Variants in NLRC4 observed in about 807,000 individuals in gnomAD.
The protein encoded by NLRC4 is NLR family CARD domain-containing protein 4.
In NLRC4, 63 loss-of-function variants were observed where a neutral mutation model predicts 79.9. That is an observed-to-expected ratio of 0.79 (90% CI 0.64 to 0.97). The LOEUF is 0.97. Ranked by LOEUF, NLRC4 falls within the 50% of genes least tolerant of loss-of-function variation. NLRC4 has a pLI of 0.00. For missense variants in NLRC4, 1,074 were observed against 1,215.2 expected, an observed-to-expected ratio of 0.88 and a Z score of 1.73; for synonymous variants, 461 against 456.5, an observed-to-expected ratio of 1.01 and a Z score of -0.12.
At chr2:32,247,392 G>A (rs1387180156) in intron 4 of NLRC4, among the ~76,000 whole-genome samples, 3 of 146,736 alleles carry the variant, frequency 2.0e-5, no homozygotes, top group East Asian at 2.0e-4. Flanking sequence ...TCGGCCCACC[G>A]CAACCTCCAC....
At chr2:32,244,112 T>C (rs190036604) in intron 4 of NLRC4, among the ~76,000 whole-genome samples, 1 of 151,984 alleles carries the variant, frequency 6.6e-6, no homozygotes, top group South Asian at 2.1e-4. Context: ...TAACCAGATG[T>C]GATAGTTCAC....
At chr2:32,261,753 T>TAACAACAATCAGTTA (rs1687355759) in intron 1 of NLRC4, among the ~76,000 whole-genome samples, 1 of 152,002 alleles carries the variant, frequency 6.6e-6, no homozygotes, top group Non-Finnish European at 1.5e-5. Context: ...CCTTTTATGT[T>TAACAACAATCAGTTA]AAAACTGATT....
chr2:32,241,234 A>C, intron 4 of NLRC4, 109 bp from the exon 5 acceptor site: 1 of 704,888 alleles, frequency 1.4e-6, no homozygotes, highest in Non-Finnish European at 2.4e-6. Context: ...AATGATCATC[A>C]TGAGCCAAAA....
At chr2:32,261,015 ACC>A (rs1687330127) in intron 1 of NLRC4, among the ~76,000 whole-genome samples, 1 of 151,722 alleles carries the variant, frequency 6.6e-6, no homozygotes, top group Non-Finnish European at 1.5e-5. Context: ...ACAAGGTGAA[ACC>A]CTGTCTCTAC....
At chr2:32,261,307 G>A (rs1261503461) in intron 1 of NLRC4, among the ~76,000 whole-genome samples, 1 of 105,598 alleles carries the variant, frequency 9.5e-6, no homozygotes, top group African/African-American at 3.6e-5. Context: ...CGCCTATTAA[G>A]CCTCCCCCCT....
rs778050684 is a variant in NLRC4, at chr2:32,235,444, C to T, written c.2739G>A (p.Gly913=). The stretch of plus-strand genomic sequence containing the variant: ...TATCTGTGAGTCTCCAGTTTTTCAA[C>T]CCAAGCTTGACGAGTTGTGGGACCT... The part of the protein sequence containing the change: ...LEEVPQLVKL[G]LKNWRLTDTE... Residue 913 remains glycine, a synonymous_variant, in exon 8 of 9, where the codon GGG becomes GGA. Transcript: ENST00000402280. 4 of 1,614,150 alleles carry T rather than the reference C, an allele frequency of 2.5e-6. No homozygotes were observed. Among genetic ancestry groups the T allele is most frequent in the South Asian group, 1.1e-5 (1 of 91,088 alleles).
intron 1 of NLRC4, among the ~76,000 whole-genome samples, chr2:32,258,503 C>T (rs971498816): frequency 2.6e-5 from 4 of 152,166 alleles, no homozygotes. Context: ...GCGCCCTTCT[C>T]TTCCCAGCAC....
intron 2 of NLRC4, among the ~76,000 whole-genome samples, chr2:32,254,891 T>C (rs1239371816): frequency 6.6e-6 from 1 of 151,786 alleles, no homozygotes; most frequent in African/African-American, 2.4e-5. Flanking sequence ...GTGCTAGGAT[T>C]ACAGGCATGA....
chr2:32,250,058 CA>C lies in NLRC4; in HGVS notation c.1805del (p.Leu602CysfsTer71), dbSNP rs1336534349. On this transcript the variant is annotated frameshift_variant, in exon 4 of 9. Coordinates refer to ENST00000402280, the MANE Select transcript of NLRC4 (RefSeq NM_001199138.2). LOFTEE classifies it high-confidence loss of function. This position sits in a 1 kb window ranked among gnomAD's most constrained non-coding sequence, Gnocchi z 4.9. Reference protein sequence around the residue: ...PDYLFDFFEHLPNCASALDFI... With the variant: ...PDYLFDFFEHXPNCASALDFI... The stretch of plus-strand genomic sequence containing the variant: ...AGTCCAGGGCACTTGCACAATTGGG[CA>C]AATGTTCAAAGAAGTCAAATAAGTA... The C allele has an allele frequency of 1.2e-6, 2 of 1,614,178 alleles. No homozygotes were observed.
intron 8 of NLRC4, among the ~76,000 whole-genome samples, chr2:32,230,471 A>ATTTTTT (rs58666767): frequency 1.0e-4 from 13 of 126,662 alleles, no homozygotes; most frequent in African/African-American, 2.4e-4. Flanking sequence ...AGCCCCCGCT[A>ATTTTTT]TTTTTTTTTT....
chr2:32,249,441 C>T (rs888707532), intron 4 of NLRC4, among the ~76,000 whole-genome samples, 166 bp downstream of exon 4: 4 of 152,210 alleles, frequency 2.6e-5, no homozygotes, highest in Non-Finnish European at 5.9e-5. Flanking sequence ...CTTCGAGGTG[C>T]CTGTCTCTGG....
chr2:32,224,515 A>G lies in NLRC4; in HGVS notation c.3033T>C (p.Asp1011=). The change falls in exon 9 of 9, where the codon GAT becomes GAC. Residue 1011 remains aspartate, a synonymous_variant. Coordinates refer to ENST00000402280, the MANE Select transcript of NLRC4 (RefSeq NM_001199138.2). The stretch of plus-strand genomic sequence containing the variant: ...TAAAAGCACCTGTAATAACACTGAG[A>G]TCATCATCATCAAATTGCCACCCAA... ...RLVGWQFDDD[D]LSVITGAFKL... is the part of the protein sequence containing the mutation. The G allele has an allele frequency of 6.2e-7, 1 of 1,612,832 alleles. No homozygotes were observed. Among genetic ancestry groups the G allele is most frequent in the Non-Finnish European group, 8.5e-7 (1 of 1,179,328 alleles).
chr2:32,238,003 C>A, intron 6 of NLRC4, 129 bp downstream of exon 6: 1 of 615,080 alleles, frequency 1.6e-6, no homozygotes, highest in Admixed American at 3.4e-5. Flanking sequence ...TGCTTATTAT[C>A]GAGAAGTTTT....
intron 8 of NLRC4, among the ~76,000 whole-genome samples, chr2:32,228,926 C>A (rs917535833): frequency 6.6e-6 from 1 of 151,916 alleles, no homozygotes; most frequent in Non-Finnish European, 1.5e-5. Context: ...GCACTACGCC[C>A]AGCTAATTTT....
At chr2:32,265,572 C>G (rs946265603), upstream of NLRC4, 2 of 152,366 alleles carry the variant, frequency 1.3e-5, no homozygotes. Context: ...CTACTGCATT[C>G]AAGGTCATGC....
At chr2:32,262,005 A>G (rs978552577) in intron 1 of NLRC4, among the ~76,000 whole-genome samples, 72 of 152,050 alleles carry the variant, frequency 4.7e-4, no homozygotes, top group South Asian at 1.7e-3. Flanking sequence ...CACTTGAACC[A>G]GGGAGGCGGA....
In NLRC4 at chr2:32,224,662, C is replaced by G; in HGVS notation, c.2886G>C (p.Glu962Asp). 1.2e-6 allele frequency: 2 copies of G among 1,613,134 alleles called. No homozygotes were observed. The highest frequency in any genetic ancestry group is 8.5e-7 in the Non-Finnish European group (1 of 1,179,214). The change falls in exon 9 of 9, where the codon GAG (glutamate) becomes GAC (aspartate). Residue 962 changes from glutamate to aspartate, a missense_variant. Glu to Asp is a conservative substitution (Grantham distance 45, BLOSUM62 2). Transcript: ENST00000402280. ...DGWLAFMGVF[E>D]NLKQLVFFDF... ...CAAAAAACACTAATTGCTTAAGATT[C>G]TCAAATACACCCATGAAGGCAAGCC...
At chr2:32,240,101 C>T (rs1177851519) in intron 5 of NLRC4, among the ~76,000 whole-genome samples, 1 of 152,176 alleles carries the variant, frequency 6.6e-6, no homozygotes, top group Non-Finnish European at 1.5e-5. Context: ...CTTCCTCAGC[C>T]TCCCAAGTAG....
intron 2 of NLRC4, among the ~76,000 whole-genome samples, chr2:32,255,477 G>A (rs760800478): frequency 2.5e-4 from 35 of 139,970 alleles, no homozygotes; most frequent in East Asian, 1.7e-3. Flanking sequence ...CCCAGATGGC[G>A]CCATTGCACT....
Sources: gnomAD v4.1 joint callset for allele counts (sites outside exome capture counted in the v4.1 genomes callset) on GRCh38, gnomAD v4.1.1 for gene constraint, Gnocchi (gnomAD v3.1) non-coding constraint, MANE v1.5 for transcripts, NCBI Gene and HGNC (gene_info 2026-07-23, HGNC 2026-07-21) for gene names.